Variants in DPP10 observed in about 807,000 individuals in gnomAD.
The protein encoded by DPP10 is inactive dipeptidyl peptidase 10.
Under a neutral mutation model 120.9 loss-of-function variants are expected in DPP10, and 33 were observed. The ratio of observed to expected loss-of-function variants is 0.27; its 90% confidence interval spans 0.21 to 0.37. The LOEUF (loss-of-function observed/expected upper bound fraction) is 0.37, where lower values mean the gene tolerates loss of function less well. DPP10 is among the 10% of genes least tolerant of loss of function. DPP10 has a pLI of 1.00. For synonymous variants in DPP10, 337 were observed against 326.1 expected (o/e 1.03, Z -0.36); for missense variants, 816 against 942.8 (o/e 0.87, Z 1.76).
At position 114,740,178 on chromosome 2, in the gene DPP10, T is replaced by C. The variant is rs571558655; in HGVS notation, c.60+297340T>C. On this transcript the variant is annotated intron_variant, in intron 1 of 25. Coordinates refer to ENST00000410059, the MANE Select transcript of DPP10 (RefSeq NM_020868.6). ...TACACCATGGAATACTATGCAGCCA[T>C]AAAAAATGATGAGTTCATGTCCTTT... Among the ~76,000 whole-genome samples, 234 of 151,426 alleles carry C rather than the reference T, an allele frequency of 1.5e-3. 2 individuals are homozygous for C. Among genetic ancestry groups the C allele is most frequent in the African/African-American group, 5.3e-3 (220 of 41,204 alleles).
chr2:114,952,143 TTA>T (rs1697839210), intron 1 of DPP10, among the ~76,000 whole-genome samples: 1 of 152,032 alleles, frequency 6.6e-6, no homozygotes, highest in Admixed American at 6.6e-5. Context: ...GAAGATACTT[TTA>T]GTGTTATAAA....
intron 7 of DPP10, among the ~76,000 whole-genome samples, chr2:115,712,540 TTAAATATATATATATA>T (rs1212180860): frequency 1.1e-4 from 2 of 18,060 alleles, no homozygotes; most frequent in Admixed American, 4.6e-4. Context: ...GAGTCCTGAA[TTAAATATATATATATA>T]TATATATATA....
At chr2:114,820,796 C>G (rs1428424894) in intron 1 of DPP10, among the ~76,000 whole-genome samples, 1 of 152,194 alleles carries the variant, frequency 6.6e-6, no homozygotes, top group Admixed American at 6.5e-5. Context: ...ATTATGGGAA[C>G]TACAACTGGC....
At chr2:115,397,365 A>G (rs1574704970) in intron 3 of DPP10, among the ~76,000 whole-genome samples, 1 of 152,304 alleles carries the variant, frequency 6.6e-6, no homozygotes, top group East Asian at 1.9e-4. Context: ...CTTTAGTTGA[A>G]CCACACTTCA....
At chr2:115,718,200 A>T (rs1375899571) in intron 7 of DPP10, among the ~76,000 whole-genome samples, 2 of 144,714 alleles carry the variant, frequency 1.4e-5, no homozygotes, top group East Asian at 4.1e-4. Flanking sequence ...AAAAAAAAAA[A>T]TCAAACATCT....
In DPP10 at chr2:115,535,747, A is replaced by G. The variant is rs113761908; in HGVS notation, c.441+9775A>G. 6.9e-3 allele frequency among the ~76,000 whole-genome samples: 1,041 copies of G among 151,904 alleles called. 2 individuals carry two copies. The highest frequency in any genetic ancestry group is 0.012 in the Non-Finnish European group (792 of 67,930). On this transcript the variant is annotated intron_variant, in intron 5 of 25. Coordinates refer to ENST00000410059, the MANE Select transcript of DPP10 (RefSeq NM_020868.6). ...ATATTGATTCTTCCTACCCATGAGCATGGAATGTTCTTCCATTTGTTTGTA... is the reference window on the plus strand; with the variant it reads ...ATATTGATTCTTCCTACCCATGAGCGTGGAATGTTCTTCCATTTGTTTGTA...
intron 2 of DPP10, among the ~76,000 whole-genome samples, chr2:115,315,639 CAT>C (rs2061759002): frequency 6.6e-6 from 1 of 152,118 alleles, no homozygotes; most frequent in Non-Finnish European, 1.5e-5. Context: ...TACTTGTAAA[CAT>C]CGGCATCAAT....
intron 1 of DPP10, among the ~76,000 whole-genome samples, chr2:114,865,241 A>G (rs573891592): frequency 6.6e-6 from 1 of 152,338 alleles, no homozygotes; most frequent in South Asian, 2.1e-4. Context: ...GTGAGGCATT[A>G]AGCCCTGAAT....
intron 1 of DPP10, among the ~76,000 whole-genome samples, chr2:115,068,435 TG>T (rs1707105605): frequency 6.6e-6 from 1 of 152,192 alleles, no homozygotes; most frequent in Non-Finnish European, 1.5e-5. Context: ...TTTTTGCTGT[TG>T]AGATCTTTGA....
intron 1 of DPP10, among the ~76,000 whole-genome samples, chr2:115,222,578 G>T (rs897465348): frequency 3.9e-5 from 6 of 152,086 alleles, no homozygotes; most frequent in Non-Finnish European, 8.8e-5. Flanking sequence ...ACATGAAAGT[G>T]TAAGTCCAAC....
At chr2:114,890,738 C>T (rs549178822) in intron 1 of DPP10, among the ~76,000 whole-genome samples, 1 of 152,302 alleles carries the variant, frequency 6.6e-6, no homozygotes, top group Admixed American at 6.5e-5. Context: ...GCTCTAATAA[C>T]TTCGAAATGG....
rs1470607 is a variant in DPP10 at position 115,597,431 on chromosome 2, G to A, written c.441+71459G>A. Among the ~76,000 whole-genome samples the A allele has an allele frequency of 8.1e-3, 1,231 of 151,946 alleles. 18 individuals are homozygous for A. Among genetic ancestry groups the A allele is most frequent in the African/African-American group, 0.029 (1,189 of 41,462 alleles). On this transcript the variant is annotated intron_variant, in intron 5 of 25. Coordinates refer to ENST00000410059, the MANE Select transcript of DPP10 (RefSeq NM_020868.6). ...ACAATTTTTAAGAAAGGAAGCAAAC[G>A]TAAGTACCATGTACATAATTTAGAA...
At chr2:115,829,525 C>A (rs1688710894) in intron 21 of DPP10, among the ~76,000 whole-genome samples, 1 of 151,828 alleles carries the variant, frequency 6.6e-6, no homozygotes, top group Non-Finnish European at 1.5e-5. Flanking sequence ...TTTTCAAATT[C>A]TCCCAAAATA....
intron 3 of DPP10, among the ~76,000 whole-genome samples, chr2:115,441,974 C>G (rs892761229): frequency 2.6e-5 from 4 of 151,838 alleles, no homozygotes; most frequent in African/African-American, 9.7e-5. Context: ...CCACCATGCC[C>G]AGCTAATTTT....
chr2:115,379,648 G>A (rs1020557244), intron 3 of DPP10, among the ~76,000 whole-genome samples: 3 of 152,076 alleles, frequency 2.0e-5, no homozygotes, highest in South Asian at 4.2e-4. Context: ...TGATGTCAGG[G>A]TGTCAATTTT....
At chr2:115,599,590 C>T (rs896717171) in intron 5 of DPP10, among the ~76,000 whole-genome samples, 8 of 152,144 alleles carry the variant, frequency 5.3e-5, no homozygotes, top group Admixed American at 1.3e-4. Context: ...ATAAGAGGTG[C>T]TTTACTAGCC....
At chr2:114,501,897 T>C (rs186005866) in intron 1 of DPP10, among the ~76,000 whole-genome samples, 5 of 151,524 alleles carry the variant, frequency 3.3e-5, no homozygotes, top group Admixed American at 3.3e-4. Context: ...AAAGTGAGGA[T>C]ACGATTTATA....
intron 3 of DPP10, among the ~76,000 whole-genome samples, chr2:115,402,056 G>A (rs1439907480): frequency 4.6e-5 from 7 of 152,148 alleles, no homozygotes; most frequent in Non-Finnish European, 1.0e-4. Context: ...GAACTCAGGA[G>A]TGAGGCTAAG....
intron 21 of DPP10, among the ~76,000 whole-genome samples, chr2:115,828,608 T>G (rs1245908192): frequency 6.6e-6 from 1 of 152,086 alleles, no homozygotes; most frequent in Non-Finnish European, 1.5e-5. Flanking sequence ...TGCCTCAACT[T>G]CATTCTTCAA....
Sources: allele counts gnomAD v4.1 joint callset (sites outside exome capture counted in the v4.1 genomes callset), GRCh38; gene constraint gnomAD v4.1.1; transcripts MANE v1.5; gene names NCBI Gene and HGNC (gene_info 2026-07-23, HGNC 2026-07-21).